The following CADM2 variants were observed in gnomAD, a reference collection of about 807,000 sequenced individuals.
CADM2 encodes the protein immunoglobulin superfamily member 4D.
A neutral mutation model predicts 49.8 loss-of-function variants in CADM2; 12 were observed. The observed-to-expected ratio is 0.24, with a 90% CI of 0.15 to 0.39. The LOEUF (loss-of-function observed/expected upper bound fraction) is 0.39, where lower values mean the gene tolerates loss of function less well. CADM2 is among the 10% of genes least tolerant of loss of function. CADM2 has a pLI of 1.00. For synonymous variants in CADM2, 214 were observed against 175.4 expected (o/e 1.22, Z -1.74); for missense variants, 378 against 492.3 (o/e 0.77, Z 2.20).
chr3:85,271,048 A>G (rs59333278), intron 1 of CADM2, among the ~76,000 whole-genome samples: 10,030 of 151,344 alleles, frequency 0.066, 1,084 homozygotes, highest in African/African-American at 0.23. Context: ...TTGTTACACA[A>G]TCACTCTGAC....
intron 8 of CADM2, among the ~76,000 whole-genome samples, chr3:85,976,817 AAAT>A (rs1440892776): frequency 1.3e-5 from 2 of 151,610 alleles, no homozygotes; most frequent in Non-Finnish European, 3.0e-5. Context: ...GGCTATGTGT[AAAT>A]AATAATTTGT....
At chr3:85,899,256 G>A (rs577822454) in intron 5 of CADM2, among the ~76,000 whole-genome samples, 16 of 151,820 alleles carry the variant, frequency 1.1e-4, no homozygotes, top group Non-Finnish European at 2.1e-4. Context: ...GTGAGCCACC[G>A]CACTCAGCAA....
At chr3:85,692,591 C>T (rs961979637) in intron 1 of CADM2, among the ~76,000 whole-genome samples, 8 of 152,044 alleles carry the variant, frequency 5.3e-5, no homozygotes, top group Non-Finnish European at 4.4e-5. Flanking sequence ...TTTAATAATT[C>T]GTTTACCTTA....
At chr3:85,599,519 GA>G (rs2063337002) in intron 1 of CADM2, among the ~76,000 whole-genome samples, 2 of 151,978 alleles carry the variant, frequency 1.3e-5, no homozygotes, top group South Asian at 4.2e-4. Context: ...TCATTTATAT[GA>G]ATTAATATTA....
chr3:85,969,935 G>A (rs1337225784), intron 8 of CADM2, among the ~76,000 whole-genome samples: 1 of 146,800 alleles, frequency 6.8e-6, no homozygotes, highest in African/African-American at 2.5e-5. Context: ...ACACATATAC[G>A]AATATACAGG....
intron 1 of CADM2, among the ~76,000 whole-genome samples, chr3:85,285,975 C>T (rs548046134): frequency 1.3e-5 from 2 of 152,096 alleles, no homozygotes; most frequent in South Asian, 4.1e-4. Flanking sequence ...TTTTACTTAA[C>T]CTTAGACACT....
intron 1 of CADM2, among the ~76,000 whole-genome samples, chr3:85,312,160 G>T (rs2044360396): frequency 6.6e-6 from 1 of 151,816 alleles, no homozygotes; most frequent in African/African-American, 2.4e-5. Context: ...CAATCCCCAC[G>T]TTAGAATCAT....
chr3:85,829,309 C>T, intron 3 of CADM2, among the ~76,000 whole-genome samples: 1 of 151,624 alleles, frequency 6.6e-6, no homozygotes, highest in East Asian at 1.9e-4. Flanking sequence ...TTAATTGACA[C>T]ATAATAATTT....
intron 3 of CADM2, among the ~76,000 whole-genome samples, chr3:85,858,033 T>A (rs2108312934): frequency 6.6e-6 from 1 of 152,314 alleles, no homozygotes; most frequent in African/African-American, 2.4e-5. Context: ...TTTTACTTAG[T>A]TTTGTGTTAG....
At chr3:85,577,938 T>C (rs2107278761) in intron 1 of CADM2, among the ~76,000 whole-genome samples, 1 of 151,936 alleles carries the variant, frequency 6.6e-6, no homozygotes, top group African/African-American at 2.4e-5. Context: ...ACTAAAAAAT[T>C]ATCCTCTAAC....
chr3:85,231,701 T>C (rs1455097961), intron 1 of CADM2, among the ~76,000 whole-genome samples: 2 of 149,170 alleles, frequency 1.3e-5, no homozygotes, highest in Non-Finnish European at 3.0e-5. Context: ...TTATTAAGTT[T>C]CCTTTCTTTT....
chr3:85,297,888 A>G (rs1273820912), intron 1 of CADM2, among the ~76,000 whole-genome samples: 3 of 152,082 alleles, frequency 2.0e-5, no homozygotes, highest in African/African-American at 7.2e-5. Flanking sequence ...CAAGAGCCTA[A>G]CAAACCACTA....
chr3:85,517,025 A>G (rs759468172), intron 1 of CADM2, among the ~76,000 whole-genome samples: 22 of 151,982 alleles, frequency 1.4e-4, no homozygotes, highest in Non-Finnish European at 3.1e-4. Flanking sequence ...CTAACAATAT[A>G]TTAGTATATA....
chr3:85,456,624 TTTTA>T (rs1186518079), intron 1 of CADM2, among the ~76,000 whole-genome samples: 2 of 152,122 alleles, frequency 1.3e-5, no homozygotes, highest in Admixed American at 6.5e-5. Flanking sequence ...TCTGATAAGA[TTTTA>T]TTTATTAATT....
chr3:85,751,436 TA>T (rs2068856279), intron 2 of CADM2, among the ~76,000 whole-genome samples: 1 of 152,188 alleles, frequency 6.6e-6, no homozygotes, highest in African/African-American at 2.4e-5. Context: ...GTATGTTTTA[TA>T]AAATATATTT....
At chr3:85,095,647 T>C (rs543435799) in intron 1 of CADM2, among the ~76,000 whole-genome samples, 38 of 152,266 alleles carry the variant, frequency 2.5e-4, no homozygotes, top group African/African-American at 8.4e-4. Context: ...TACATATTAG[T>C]ATACAACTAA....
At chr3:85,998,900 T>TAAGTAAG (rs1394915856) in intron 8 of CADM2, among the ~76,000 whole-genome samples, 24 of 152,138 alleles carry the variant, frequency 1.6e-4, no homozygotes, top group Non-Finnish European at 2.9e-5. Context: ...TTTAACCAAT[T>TAAGTAAG]AAGTAAGAAA....
intron 1 of CADM2, among the ~76,000 whole-genome samples, chr3:85,056,903 C>T (rs2036102211): frequency 6.6e-6 from 1 of 152,030 alleles, no homozygotes; most frequent in African/African-American, 2.4e-5. Flanking sequence ...GTATAATCAT[C>T]TCTGAAGGTT....
At chr3:85,285,266 C>T (rs1157736674) in intron 1 of CADM2, among the ~76,000 whole-genome samples, 2 of 152,018 alleles carry the variant, frequency 1.3e-5, no homozygotes, top group Non-Finnish European at 2.9e-5. Context: ...GCAGATGTAG[C>T]TTTTGCAATG....
Sources: allele counts gnomAD v4.1 joint callset (sites outside exome capture counted in the v4.1 genomes callset), GRCh38; gene constraint gnomAD v4.1.1; transcripts MANE v1.5; gene names NCBI Gene and HGNC (gene_info 2026-07-23, HGNC 2026-07-21).